The following HSD17B2 variants were observed in gnomAD, a reference collection of about 807,000 sequenced individuals.
The protein encoded by HSD17B2 is hydroxysteroid 17-beta dehydrogenase 2.
HSD17B2 carries 32 observed loss-of-function variants against 26.9 expected under a neutral mutation model. The ratio of observed to expected loss-of-function variants is 1.19; its 90% CI spans 0.90 to 1.60. The LOEUF (loss-of-function observed/expected upper bound fraction) is 1.60. Ranked by LOEUF, HSD17B2 falls within the 40% of genes most tolerant of loss-of-function variation. The pLI is 0.00. For synonymous variants in HSD17B2, 246 were observed against 186.7 expected (o/e 1.32, Z -2.59); for missense variants, 613 against 468.6 (o/e 1.31, Z -2.85).
At chr16:82,047,645 C>T (rs1402274544) in intron 1 of HSD17B2, among the ~76,000 whole-genome samples, 2 of 152,126 alleles carry the variant, frequency 1.3e-5, no homozygotes, top group African/African-American at 4.8e-5. Flanking sequence ...GGCAAGCAGC[C>T]AACTGGAGGG....
At chr16:82,079,954 GCAGT>G (rs1252610315) in intron 3 of HSD17B2, among the ~76,000 whole-genome samples, 1 of 152,152 alleles carries the variant, frequency 6.6e-6, no homozygotes, top group Non-Finnish European at 1.5e-5. Context: ...AGGGAGAGAA[GCAGT>G]CAGTCACTAA....
intron 1 of HSD17B2, 76 bp from the exon 2 acceptor site, chr16:82,068,094 A>G: frequency 7.9e-7 from 1 of 1,260,078 alleles, no homozygotes; most frequent in Non-Finnish European, 1.2e-6. Flanking sequence ...AAACAACGTA[A>G]TATGTTTTCC....
chr16:82,064,757 G>C (rs879617409), intron 1 of HSD17B2, among the ~76,000 whole-genome samples: 2 of 152,206 alleles, frequency 1.3e-5, no homozygotes, highest in Non-Finnish European at 2.9e-5. Flanking sequence ...GCTATCATGA[G>C]CCAAGAAGAT....
intron 3 of HSD17B2, among the ~76,000 whole-genome samples, chr16:82,089,690 C>T (rs2911418): frequency 0.94 from 143,129 of 152,244 alleles, 67,647 homozygotes; most frequent in Non-Finnish European, 0.99. Flanking sequence ...TGTCCTTGCC[C>T]CTTTCAGCTA....
intron 1 of HSD17B2, among the ~76,000 whole-genome samples, chr16:82,062,033 A>G (rs1241733110): frequency 1.3e-5 from 2 of 152,198 alleles, no homozygotes; most frequent in Non-Finnish European, 2.9e-5. Flanking sequence ...ACTTGAACCA[A>G]CAAATGATGG....
chr16:82,039,490 A>G (rs1230972616), intron 1 of HSD17B2, among the ~76,000 whole-genome samples: 1 of 152,188 alleles, frequency 6.6e-6, no homozygotes, highest in East Asian at 1.9e-4. Context: ...GTATTCACTC[A>G]ATAAATATTC....
intron 1 of HSD17B2, among the ~76,000 whole-genome samples, chr16:82,058,802 A>C (rs1468908475): frequency 6.6e-6 from 1 of 152,186 alleles, no homozygotes; most frequent in East Asian, 1.9e-4. Context: ...TTTAAAAGAA[A>C]AAATCTGATT....
At chr16:82,086,719 G>A (rs760651386) in intron 3 of HSD17B2, among the ~76,000 whole-genome samples, 1 of 152,220 alleles carries the variant, frequency 6.6e-6, no homozygotes, top group African/African-American at 2.4e-5. Flanking sequence ...GGCAGGTCTT[G>A]TTGTTGACTA....
At position 82,098,194 on chromosome 16, in the gene HSD17B2, C is replaced by T. The variant is rs1904911318; in HGVS notation, c.922C>T (p.Leu308=). The T allele has an allele frequency of 6.2e-7, 1 of 1,614,172 alleles. No individual in the cohort carries two copies. The highest frequency in any genetic ancestry group is 8.5e-7 in the Non-Finnish European group (1 of 1,180,000). The stretch of plus-strand genomic sequence containing the variant: ...CATCTTAGCACAGCGGAATTTCCTC[C>T]TATTGATCAACTCGTTAGCCAGCAA... ...DYILAQRNFL[L]LINSLASKDF... The change falls in exon 5 of 5, where the codon CTA becomes TTA. Residue 308 remains leucine, a synonymous_variant. Transcript: ENST00000199936.
chr16:82,090,778 C>T, intron 3 of HSD17B2, 124 bp from the exon 4 acceptor site: 2 of 905,372 alleles, frequency 2.2e-6, no homozygotes, highest in Non-Finnish European at 1.7e-6. Flanking sequence ...GGGGCCTTGC[C>T]TGCCTTTGTC....
chr16:82,038,571 G>C (rs1468590866), intron 1 of HSD17B2, among the ~76,000 whole-genome samples: 1 of 152,130 alleles, frequency 6.6e-6, no homozygotes, highest in Non-Finnish European at 1.5e-5. Flanking sequence ...ATGTATAACT[G>C]TAAAATGAAC....
At chr16:82,053,271 G>C (rs1268681873) in intron 1 of HSD17B2, among the ~76,000 whole-genome samples, 3 of 152,104 alleles carry the variant, frequency 2.0e-5, no homozygotes, top group African/African-American at 7.2e-5. Context: ...CTAGACTGCA[G>C]GGGAAAAAGC....
chr16:82,055,573 C>T (rs1381133633), intron 1 of HSD17B2, among the ~76,000 whole-genome samples: 1 of 152,184 alleles, frequency 6.6e-6, no homozygotes, highest in Non-Finnish European at 1.5e-5. Flanking sequence ...ATTAAGAAAT[C>T]AGCCCAAGTA....
chr16:82,083,554 C>G (rs371823741), intron 3 of HSD17B2, among the ~76,000 whole-genome samples: 1 of 152,142 alleles, frequency 6.6e-6, no homozygotes, highest in East Asian at 1.9e-4. Context: ...GTTTAAGCAT[C>G]AGTCTTGTGC....
chr16:82,073,416 G>T (rs1914742643), intron 3 of HSD17B2, among the ~76,000 whole-genome samples: 1 of 151,978 alleles, frequency 6.6e-6, no homozygotes, highest in Middle Eastern at 3.4e-3. Context: ...AGTATAGACG[G>T]GGTTTCACCG....
intron 3 of HSD17B2, among the ~76,000 whole-genome samples, chr16:82,088,051 T>A (rs1463169361): frequency 6.6e-6 from 1 of 152,164 alleles, no homozygotes; most frequent in Non-Finnish European, 1.5e-5. Context: ...GGCAGTGCAT[T>A]ATCACAAAAG....
chr16:82,066,817 T>C (rs887740965), intron 1 of HSD17B2, among the ~76,000 whole-genome samples: 2 of 152,238 alleles, frequency 1.3e-5, no homozygotes, highest in African/African-American at 4.8e-5. Context: ...AATAGTTCTA[T>C]TCCATCTTTA....
chr16:82,069,466 C>T (rs866921379), intron 2 of HSD17B2, among the ~76,000 whole-genome samples: 1 of 152,164 alleles, frequency 6.6e-6, no homozygotes, highest in Non-Finnish European at 1.5e-5. Context: ...TTTTTAACTT[C>T]CCTGCAGTAT....
rs8191136 is a variant in HSD17B2 at position 82,068,265 on chromosome 16, G to A, written c.361G>A (p.Ala121Thr). Residue 121 changes from alanine (A) to threonine (T), a missense_variant, in exon 2 of 5, where the codon GCT becomes ACT. Coordinates refer to ENST00000199936, the MANE Select transcript of HSD17B2 (RefSeq NM_002153.3). Reference sequence around the variant, plus strand: ...AGTTTTGAATGAAAATGGCCCAGGAGCTGAGGAATTGCGAAGAACCTGCTC... The same window carrying A: ...AGTTTTGAATGAAAATGGCCCAGGAACTGAGGAATTGCGAAGAACCTGCTC... ...AGVLNENGPG[A>T]EELRRTCSPR... 7.1e-4 allele frequency: 1,144 copies of A among 1,613,996 alleles called. 7 individuals are homozygous for A. In the African/African-American group the frequency reaches 0.014, roughly 19 times the overall value.
Sources: allele counts gnomAD v4.1 joint callset (sites outside exome capture counted in the v4.1 genomes callset), GRCh38; gene constraint gnomAD v4.1.1; transcripts MANE v1.5; gene names NCBI Gene and HGNC (gene_info 2026-07-23, HGNC 2026-07-21).